STAU1: variants seen among roughly 807,000 people sequenced by gnomAD.
STAU1 encodes double-stranded RNA-binding protein Staufen homolog 1.
Under a neutral mutation model 62.9 loss-of-function variants are expected in STAU1, and 13 were observed. The observed-to-expected ratio is 0.21, with a 90% CI of 0.13 to 0.33. The LOEUF is 0.33. STAU1 is among the 10% of genes least tolerant of loss of function. STAU1 has a pLI of 1.00. For missense variants in STAU1, 571 were observed against 712.1 expected, an observed-to-expected ratio of 0.80 and a Z score of 2.25; for synonymous variants, 269 against 265.1, an observed-to-expected ratio of 1.01 and a Z score of -0.14.
chr20:49,168,092 T>A (rs1387484530), intron 2 of STAU1, among the ~76,000 whole-genome samples: 4 of 152,042 alleles, frequency 2.6e-5, no homozygotes, highest in African/African-American at 9.7e-5. Flanking sequence ...TTAATTTTTT[T>A]TTTTTTTTTC....
At chr20:49,172,241 T>C (rs2093606565) in intron 2 of STAU1, among the ~76,000 whole-genome samples, 1 of 152,198 alleles carries the variant, frequency 6.6e-6, no homozygotes, top group Non-Finnish European at 1.5e-5. Flanking sequence ...AGAAAACCCA[T>C]CACACCATGC....
the STAU1 span, among the ~76,000 whole-genome samples, chr20:49,207,951 G>A: frequency 6.6e-6 from 1 of 152,024 alleles, no homozygotes; most frequent in Non-Finnish European, 1.5e-5. Flanking sequence ...CATGATCTCG[G>A]CTCACTGTAA....
chr20:49,173,291 C>T (rs553037842), intron 2 of STAU1, among the ~76,000 whole-genome samples: 2 of 151,812 alleles, frequency 1.3e-5, no homozygotes, highest in African/African-American at 4.8e-5. Flanking sequence ...AACCCTGTCT[C>T]TACTAAAAAT....
chr20:49,212,509 A>G, the STAU1 span, among the ~76,000 whole-genome samples: 4 of 150,162 alleles, frequency 2.7e-5, no homozygotes, highest in African/African-American at 9.9e-5. Flanking sequence ...AGGCTTATTC[A>G]TGTCCTTTCT....
chr20:49,177,844 A>G (rs1246051175), intron 1 of STAU1, among the ~76,000 whole-genome samples: 1 of 152,148 alleles, frequency 6.6e-6, no homozygotes, highest in Non-Finnish European at 1.5e-5. Context: ...AGTCATTTGG[A>G]TCTCAAATAC....
chr20:49,168,929 G>A (rs1287922522), intron 2 of STAU1, among the ~76,000 whole-genome samples: 5 of 150,790 alleles, frequency 3.3e-5, no homozygotes, highest in East Asian at 1.9e-4. Flanking sequence ...TTTCTATCTC[G>A]AAAGGCCCTA....
the STAU1 span, among the ~76,000 whole-genome samples, chr20:49,198,435 A>C: frequency 6.6e-6 from 1 of 152,148 alleles, no homozygotes; most frequent in Non-Finnish European, 1.5e-5. Flanking sequence ...TGAACCCAGC[A>C]GGTGGAGGTT....
chr20:49,206,149 ATTT>A, the STAU1 span, among the ~76,000 whole-genome samples: 73 of 136,568 alleles, frequency 5.3e-4, no homozygotes, highest in East Asian at 1.7e-3. Flanking sequence ...CGCCCAGCTG[ATTT>A]TTTTTTTTTT....
chr20:49,218,267 C>G, the STAU1 span, among the ~76,000 whole-genome samples: 1 of 151,440 alleles, frequency 6.6e-6, no homozygotes, highest in Non-Finnish European at 1.5e-5. Context: ...CTCTGTCGCC[C>G]AGGCTGGAGT....
At chr20:49,126,875 G>GA (rs57532090) in intron 6 of STAU1, among the ~76,000 whole-genome samples, 4,883 of 150,264 alleles carry the variant, frequency 0.032, 128 homozygotes, top group African/African-American at 0.069. Context: ...GTGGGGGGAA[G>GA]AAAAAAAAAT....
At chr20:49,213,909 G>GA in the STAU1 span, among the ~76,000 whole-genome samples, 3 of 152,224 alleles carry the variant, frequency 2.0e-5, no homozygotes, top group Non-Finnish European at 2.9e-5. Context: ...TTCTATGCTT[G>GA]AATCAGAAGA....
chr20:49,196,004 C>T, the STAU1 span, among the ~76,000 whole-genome samples: 95 of 149,532 alleles, frequency 6.4e-4, 1 homozygote, highest in Non-Finnish European at 3.0e-4. Context: ...TTTGGGAGGC[C>T]GAGGCGGGTG....
At chr20:49,164,945 C>A (rs557548042) in intron 3 of STAU1, among the ~76,000 whole-genome samples, 1 of 152,174 alleles carries the variant, frequency 6.6e-6, no homozygotes, top group African/African-American at 2.4e-5. Flanking sequence ...TCTAGTAAAT[C>A]TGGCTGCCCC....
the STAU1 span, among the ~76,000 whole-genome samples, chr20:49,198,244 G>A: frequency 1.2e-4 from 18 of 152,038 alleles, 1 homozygote; most frequent in East Asian, 1.9e-3. Flanking sequence ...GGCCGGGCGC[G>A]GTGGCTCACG....
At chr20:49,207,931 A>G in the STAU1 span, among the ~76,000 whole-genome samples, 3 of 151,904 alleles carry the variant, frequency 2.0e-5, no homozygotes, top group Admixed American at 6.6e-5. Context: ...CCCAGGCTGG[A>G]GTGCGGTGGC....
At chr20:49,203,063 G>A in the STAU1 span, among the ~76,000 whole-genome samples, 1 of 151,762 alleles carries the variant, frequency 6.6e-6, no homozygotes, top group East Asian at 1.9e-4. Flanking sequence ...AAAGGAAAAA[G>A]AAATTAGAAT....
At chr20:49,202,599 T>C in the STAU1 span, among the ~76,000 whole-genome samples, 1 of 151,578 alleles carries the variant, frequency 6.6e-6, no homozygotes, top group Admixed American at 6.6e-5. Context: ...ATAAATAAAA[T>C]AGGCTGAAAG....
At chr20:49,146,679 T>C (rs2093138472) in intron 5 of STAU1, among the ~76,000 whole-genome samples, 2 of 149,462 alleles carry the variant, frequency 1.3e-5, no homozygotes, top group African/African-American at 4.9e-5. Context: ...CACTCCAGCC[T>C]GGGCAACAGA....
At chr20:49,131,562 G>C (rs1002852662) in intron 6 of STAU1, among the ~76,000 whole-genome samples, 2 of 152,118 alleles carry the variant, frequency 1.3e-5, no homozygotes, top group African/African-American at 2.4e-5. Context: ...GAAAAAGCAG[G>C]CTGGGTGCAG....
Sources: gnomAD v4.1 joint callset for allele counts (sites outside exome capture counted in the v4.1 genomes callset) on GRCh38, gnomAD v4.1.1 for gene constraint, MANE v1.5 for transcripts, NCBI Gene and HGNC (gene_info 2026-07-23, HGNC 2026-07-21) for gene names.